The following ARID1B variants were observed in gnomAD, a reference collection of about 807,000 sequenced individuals.
ARID1B encodes the protein AT-rich interactive domain-containing protein 1B.
ARID1B carries 30 observed loss-of-function variants against 212.3 expected under a neutral mutation model. The ratio of observed to expected loss-of-function variants is 0.14; its 90% confidence interval spans 0.11 to 0.19. The LOEUF (loss-of-function observed/expected upper bound fraction) is 0.19, where lower values mean the gene tolerates loss of function less well. Ranked by LOEUF, ARID1B falls within the 10% of genes least tolerant of loss-of-function variation. ARID1B has a pLI of 1.00. For missense variants in ARID1B, 2,891 were observed against 3,204.0 expected, an observed-to-expected ratio of 0.90 and a Z score of 2.36; for synonymous variants, 1,402 against 1,301.7, an observed-to-expected ratio of 1.08 and a Z score of -1.66.
chr6:156,956,464 C>T (rs1793988421), intron 4 of ARID1B, among the ~76,000 whole-genome samples: 1 of 152,082 alleles, frequency 6.6e-6, no homozygotes, highest in Non-Finnish European at 1.5e-5. Context: ...GGAAATAGTC[C>T]TCTGGAGGTG....
In ARID1B at chr6:157,209,151, CTT is replaced by C. The variant is rs774742301; in HGVS notation, c.*1261_*1262del. Reference sequence around the variant, plus strand: ...TTTAAAAAAAAAAAAAAGAAAAAAACTTGATGTAAATTCCTCCTTTTCCTCTG... The same window carrying C: ...TTTAAAAAAAAAAAAAAGAAAAAAACGATGTAAATTCCTCCTTTTCCTCTG... On this transcript the variant is annotated 3_prime_UTR_variant, in exon 20 of 20. Transcript: ENST00000636930. 8.9e-5 allele frequency: 20 copies of C among 223,756 alleles called. No homozygotes were observed. The highest frequency in any genetic ancestry group is 7.4e-4 in the South Asian group (4 of 5,404). 13.9% of individuals were successfully genotyped at this position (223,756 alleles called of 1,614,324 possible).
chr6:157,130,886 C>G (rs1428373667), intron 6 of ARID1B, among the ~76,000 whole-genome samples: 1 of 152,202 alleles, frequency 6.6e-6, no homozygotes, highest in Non-Finnish European at 1.5e-5. Context: ...GAACATAAAA[C>G]CCTGTGTTCT....
At chr6:157,004,903 T>TGTTG (rs1159982323) in intron 4 of ARID1B, among the ~76,000 whole-genome samples, 44 of 82,210 alleles carry the variant, frequency 5.4e-4, no homozygotes, top group Middle Eastern at 5.6e-3. Context: ...TTTTCTTTTT[T>TGTTG]TTTTTTTTTT....
intron 9 of ARID1B, among the ~76,000 whole-genome samples, chr6:157,172,523 G>T (rs972381836): frequency 1.3e-5 from 2 of 152,188 alleles, no homozygotes; most frequent in Non-Finnish European, 2.9e-5. Flanking sequence ...CAATGCGCCC[G>T]TGGAAAAGAC....
intron 4 of ARID1B, chr6:156,939,229 A>G (rs1163068776): frequency 3.3e-5 from 5 of 152,232 alleles, no homozygotes; most frequent in Non-Finnish European, 7.3e-5. Context: ...TAATATTGGT[A>G]TGAAATAAAC....
intron 2 of ARID1B, among the ~76,000 whole-genome samples, chr6:156,851,536 G>A (rs1784579787): frequency 6.6e-6 from 1 of 152,174 alleles, no homozygotes; most frequent in South Asian, 2.1e-4. Flanking sequence ...CTGTCCAACT[G>A]TTGTGCTATT....
chr6:156,983,212 T>C (rs942540138), intron 4 of ARID1B, among the ~76,000 whole-genome samples: 6 of 151,882 alleles, frequency 4.0e-5, no homozygotes, highest in Non-Finnish European at 8.8e-5. Flanking sequence ...CTGACCAAGA[T>C]GGTGACACCC....
At chr6:156,927,872 G>A (rs946957660) in intron 3 of ARID1B, among the ~76,000 whole-genome samples, 1 of 152,208 alleles carries the variant, frequency 6.6e-6, no homozygotes, top group Non-Finnish European at 1.5e-5. Flanking sequence ...CCCCGTCTTA[G>A]AAAAATGGTG....
chr6:157,110,593 T>C, intron 6 of ARID1B, 32 bp downstream of exon 6: 1 of 1,602,210 alleles, frequency 6.2e-7, no homozygotes, highest in Non-Finnish European at 8.6e-7. Flanking sequence ...TACATGCCTA[T>C]AGTGCTTTCA....
At chr6:157,005,584 G>A (rs980134062) in intron 4 of ARID1B, among the ~76,000 whole-genome samples, 2 of 152,140 alleles carry the variant, frequency 1.3e-5, no homozygotes, top group East Asian at 1.9e-4. Context: ...TAAGAAAACC[G>A]AATTGGTAAA....
intron 4 of ARID1B, chr6:156,935,862 G>A (rs1213841612): frequency 3.0e-6 from 1 of 328,306 alleles, no homozygotes; most frequent in Non-Finnish European, 5.7e-6. Context: ...TTGTACAGTT[G>A]AGCTTTCTTT....
At chr6:157,082,485 G>A (rs1239632202) in intron 4 of ARID1B, among the ~76,000 whole-genome samples, 1 of 152,154 alleles carries the variant, frequency 6.6e-6, no homozygotes, top group Admixed American at 6.5e-5. Context: ...ATAAGGATTA[G>A]CATAAATGTT....
chr6:156,898,324 G>C (rs1788651548), intron 2 of ARID1B, among the ~76,000 whole-genome samples: 1 of 152,126 alleles, frequency 6.6e-6, no homozygotes, highest in African/African-American at 2.4e-5. Context: ...CTTTCCTCAC[G>C]CATCGGTCCT....
chr6:157,080,777 G>A (rs1290104881), intron 4 of ARID1B, among the ~76,000 whole-genome samples: 2 of 152,204 alleles, frequency 1.3e-5, no homozygotes, highest in Non-Finnish European at 2.9e-5. Flanking sequence ...AGAGACAGTG[G>A]AAGGATGATG....
intron 15 of ARID1B, among the ~76,000 whole-genome samples, chr6:157,193,312 T>G (rs1793509722): frequency 6.6e-6 from 1 of 152,222 alleles, no homozygotes; most frequent in South Asian, 2.1e-4. Flanking sequence ...GTAAGAATGT[T>G]TCTGCGAAAT....
At chr6:156,965,653 T>C (rs1331890887) in intron 4 of ARID1B, among the ~76,000 whole-genome samples, 1 of 152,254 alleles carries the variant, frequency 6.6e-6, no homozygotes, top group Non-Finnish European at 1.5e-5. Context: ...ATTAGTAGCC[T>C]CTTTTTCCAG....
intron 11 of ARID1B, among the ~76,000 whole-genome samples, chr6:157,178,177 A>G (rs1792237963): frequency 6.6e-6 from 1 of 152,138 alleles, no homozygotes; most frequent in African/African-American, 2.4e-5. Context: ...TGCTCGGTGA[A>G]ATCCTGTTTA....
At chr6:157,191,403 G>A (rs992257048) in intron 15 of ARID1B, among the ~76,000 whole-genome samples, 3 of 152,176 alleles carry the variant, frequency 2.0e-5, no homozygotes, top group African/African-American at 7.2e-5. Flanking sequence ...CCTCTGGGGT[G>A]TGTCCCGGTG....
intron 4 of ARID1B, among the ~76,000 whole-genome samples, chr6:157,067,965 G>T (rs1269687070): frequency 1.3e-5 from 2 of 152,092 alleles, no homozygotes; most frequent in Non-Finnish European, 2.9e-5. Flanking sequence ...ACAATCGTAG[G>T]TACTTCAGAA....
Sources: allele counts gnomAD v4.1 joint callset (sites outside exome capture counted in the v4.1 genomes callset), GRCh38; gene constraint gnomAD v4.1.1; transcripts MANE v1.5; gene names NCBI Gene and HGNC (gene_info 2026-07-23, HGNC 2026-07-21).